ABCG1: variants seen among roughly 807,000 people sequenced by gnomAD.
The protein encoded by ABCG1 is ATP-binding cassette sub-family G member 1.
A neutral mutation model predicts 69.2 loss-of-function variants in ABCG1; 29 were observed. The observed-to-expected ratio is 0.42, with a 90% CI of 0.31 to 0.57. The LOEUF (loss-of-function observed/expected upper bound fraction) is 0.57. Among genes scored for constraint, ABCG1 ranks in the 20% least tolerant of loss-of-function variants. The pLI, the probability that ABCG1 is intolerant of heterozygous loss-of-function variation, is 0.15. For synonymous variants in ABCG1, 370 were observed against 374.8 expected (o/e 0.99, Z 0.15); for missense variants, 718 against 898.1 (o/e 0.80, Z 2.56).
chr21:42,282,072 C>A (rs1428047730), intron 5 of ABCG1, among the ~76,000 whole-genome samples: 1 of 152,240 alleles, frequency 6.6e-6, no homozygotes, highest in African/African-American at 2.4e-5. Context: ...TGTCCCTCAT[C>A]AGGACGGCTG....
At chr21:42,269,158 G>T (rs899463336) in intron 2 of ABCG1, among the ~76,000 whole-genome samples, 1 of 152,228 alleles carries the variant, frequency 6.6e-6, no homozygotes, top group African/African-American at 2.4e-5. Context: ...GCCTAAGGGA[G>T]GTTTGCTGGG....
At chr21:42,260,061 A>G (rs2068379901) in intron 2 of ABCG1, 2 of 1,550,606 alleles carry the variant, frequency 1.3e-6, no homozygotes, top group South Asian at 1.2e-5. Flanking sequence ...GGTCGCTATC[A>G]GTGGCAAAGT....
chr21:42,282,927 A>T (rs1464121599), intron 6 of ABCG1, among the ~76,000 whole-genome samples: 2 of 151,664 alleles, frequency 1.3e-5, no homozygotes, highest in African/African-American at 4.9e-5. Context: ...CCAGCTCTCT[A>T]TACCCACGGG....
At chr21:42,269,135 T>C (rs2068570662) in intron 2 of ABCG1, among the ~76,000 whole-genome samples, 2 of 152,130 alleles carry the variant, frequency 1.3e-5, no homozygotes, top group South Asian at 2.1e-4. Flanking sequence ...GCTCATAAGT[T>C]TGAGAGGACA....
chr21:42,292,983 ACAC>A (rs1276491535), intron 13 of ABCG1, among the ~76,000 whole-genome samples: 3 of 145,474 alleles, frequency 2.1e-5, no homozygotes, highest in African/African-American at 5.1e-5. Context: ...CACTACACAC[ACAC>A]CACACTACAC....
intron 2 of ABCG1, among the ~76,000 whole-genome samples, chr21:42,261,587 A>G (rs1569224723): frequency 6.6e-6 from 1 of 152,136 alleles, no homozygotes; most frequent in Non-Finnish European, 1.5e-5. Flanking sequence ...CCCTCTGTGT[A>G]TCGGGGACTG....
At chr21:42,216,136 C>T (rs142204098), upstream of ABCG1, 3,406 of 452,292 alleles carry the variant, frequency 7.5e-3, 101 homozygotes, top group African/African-American at 0.062. Flanking sequence ...CCATGTGAGA[C>T]ATGCCTTTCA....
At chr21:42,209,042 G>A (rs2067565888) in intron 2 of ABCG1, among the ~76,000 whole-genome samples, 1 of 152,182 alleles carries the variant, frequency 6.6e-6, no homozygotes, top group Non-Finnish European at 1.5e-5. Flanking sequence ...GAGCTGTGGA[G>A]TCTGCAGGCA....
At chr21:42,213,366 T>C (rs2067608047), upstream of ABCG1, among the ~76,000 whole-genome samples, 1 of 152,254 alleles carries the variant, frequency 6.6e-6, no homozygotes, top group Admixed American at 6.5e-5. Context: ...GCCATCTCCA[T>C]GGGTGTGTAG....
At chr21:42,238,697 C>T (rs1250159818) in intron 2 of ABCG1, among the ~76,000 whole-genome samples, 2 of 152,098 alleles carry the variant, frequency 1.3e-5, no homozygotes, top group Non-Finnish European at 2.9e-5. Flanking sequence ...GGCTCACGGG[C>T]GAGGTTGATG....
intron 2 of ABCG1, among the ~76,000 whole-genome samples, chr21:42,270,081 A>T (rs2068588481): frequency 6.6e-6 from 1 of 152,098 alleles, no homozygotes; most frequent in Non-Finnish European, 1.5e-5. Flanking sequence ...TAACACGGTG[A>T]AACCCTGTCT....
Position 42,290,097 on chromosome 21 carries a change from C to T in ABCG1, c.1272C>T (p.Leu424=), listed in dbSNP as rs1454921491. Residue 424 remains leucine (L), a synonymous_variant, in exon 11 of 15, where the codon CTC becomes CTT. Transcript: ENST00000398449. ...RITSHIGIGL[L]IGLLYLGIGN... Reference sequence around the variant, plus strand: ...CCTCGCACATTGGGATCGGCCTCCTCATTGGCCTGCTGTACTTGGGGATCG... The same window carrying T: ...CCTCGCACATTGGGATCGGCCTCCTTATTGGCCTGCTGTACTTGGGGATCG... The T allele has an allele frequency of 2.5e-6, 4 of 1,614,228 alleles. No individual in the cohort carries two copies. The highest frequency in any genetic ancestry group is 2.2e-5 in the South Asian group (2 of 91,086).
intron 5 of ABCG1, among the ~76,000 whole-genome samples, chr21:42,278,973 G>A (rs1031906030): frequency 2.4e-4 from 37 of 152,114 alleles, no homozygotes; most frequent in African/African-American, 8.9e-4. Context: ...ATGAAGCAGA[G>A]GCTTTTCCAC....
At chr21:42,208,178 C>T (rs1036473320) in intron 2 of ABCG1, among the ~76,000 whole-genome samples, 4 of 150,894 alleles carry the variant, frequency 2.7e-5, no homozygotes, top group Non-Finnish European at 5.9e-5. Context: ...TCTAGGTTCC[C>T]CTTTTCCTAT....
At position 42,273,206 on chromosome 21, in the gene ABCG1, G is replaced by A. The variant is rs375729624; in HGVS notation, c.405-97G>A. 19 of 1,499,038 alleles carry A rather than the reference G, an allele frequency of 1.3e-5. No individual in the cohort carries two copies. In the East Asian group the frequency reaches 3.5e-4, roughly 27 times the overall value. 92.9% of individuals were successfully genotyped at this position (1,499,038 alleles called of 1,614,324 possible). On this transcript the variant is annotated intron_variant, in intron 3 of 14. Coordinates refer to ENST00000398449, the MANE Select transcript of ABCG1 (RefSeq NM_016818.3). The surrounding 1 kb of genome is among the most constrained non-coding windows in gnomAD (Gnocchi z 5.3). ...AGTGGTTCAGCTGGGAAGATGCTGG[G>A]AGGCAAGCCCCCGTCTCTGGCTCCC...
At chr21:42,294,455 C>T (rs888489817) in intron 13 of ABCG1, 87 bp from the exon 14 acceptor site, 37 of 1,052,496 alleles carry the variant, frequency 3.5e-5, no homozygotes, top group South Asian at 2.5e-4. Flanking sequence ...TGGCCCTGCC[C>T]GGGGGAAGCT....
upstream of ABCG1, among the ~76,000 whole-genome samples, chr21:42,214,868 C>A (rs2067623177): frequency 1.3e-5 from 2 of 152,212 alleles, no homozygotes. Context: ...CTTCATATTG[C>A]CATCAGGCAG....
At chr21:42,230,573 T>G (rs1257268698) in intron 2 of ABCG1, among the ~76,000 whole-genome samples, 3 of 152,224 alleles carry the variant, frequency 2.0e-5, no homozygotes, top group Non-Finnish European at 2.9e-5. Flanking sequence ...AGGAATGTGG[T>G]TAAGAGTAAG....
At chr21:42,236,922 G>A (rs1415926579) in intron 2 of ABCG1, among the ~76,000 whole-genome samples, 1 of 152,228 alleles carries the variant, frequency 6.6e-6, no homozygotes, top group Non-Finnish European at 1.5e-5. Context: ...CAGCACTCAC[G>A]TTAAGAATTA....
Sources: allele counts gnomAD v4.1 joint callset (sites outside exome capture counted in the v4.1 genomes callset), GRCh38; gene constraint gnomAD v4.1.1; non-coding constraint Gnocchi (gnomAD v3.1); transcripts MANE v1.5; gene names NCBI Gene and HGNC (gene_info 2026-07-23, HGNC 2026-07-21).